Variants in NCOR2 observed in about 807,000 individuals in gnomAD.
NCOR2 encodes the protein nuclear receptor corepressor 2, also known as CTG repeat protein 26.
In NCOR2, 81 loss-of-function variants were observed where a neutral mutation model predicts 262.9. That is an observed-to-expected ratio of 0.31 (90% CI 0.26 to 0.37). The LOEUF (loss-of-function observed/expected upper bound fraction) is 0.37. NCOR2 is among the 10% of genes least tolerant of loss of function. The pLI is 1.00. For synonymous variants in NCOR2, 1,659 were observed against 1,559.3 expected, an observed-to-expected ratio of 1.06 and a Z score of -1.51; for missense variants, 3,385 against 3,621.4, an observed-to-expected ratio of 0.93 and a Z score of 1.68.
rs756686302 is a variant in NCOR2 at position 124,429,611 on chromosome 12, ACCT to A, written c.1148_1149+1del. 4 of 1,598,130 alleles carry A rather than the reference ACCT, an allele frequency of 2.5e-6. No homozygotes were observed. The South Asian group carries it at 3.4e-5, about 14-fold the overall frequency. ...GAGGCCAGAGTCAGGGCCTGGACTC[ACCT>A]CCTGCTCTGAGAGGCCATCGATGAT... On this transcript the variant is annotated splice_donor_variant and coding_sequence_variant, in exon 10 of 47. Coordinates refer to ENST00000405201, the Ensembl canonical transcript of NCOR2. LOFTEE classifies it high-confidence loss of function.
intron 22 of NCOR2, among the ~76,000 whole-genome samples, chr12:124,359,787 G>T (rs935232665): frequency 7.2e-4 from 109 of 152,260 alleles, no homozygotes; most frequent in African/African-American, 2.4e-3. Context: ...GGGCCCAGGG[G>T]GCCCCGAGGG....
chr12:124,356,957 AC>A, intron 22 of NCOR2, 175 bp from the exon 25 acceptor site: 1 of 718,744 alleles, frequency 1.4e-6, no homozygotes, highest in Non-Finnish European at 2.0e-6. Context: ...CTGCTCTGTA[AC>A]CCCATGGTAT....
intron 4 of NCOR2, among the ~76,000 whole-genome samples, chr12:124,469,816 G>A (rs578224746): frequency 1.2e-4 from 18 of 152,280 alleles, no homozygotes; most frequent in Admixed American, 4.6e-4. Flanking sequence ...ATGAGATACC[G>A]CTGTACAACC....
chr12:124,344,664 G>A, exon 32 of NCOR2: 3 of 1,495,290 alleles, frequency 2.0e-6, no homozygotes, highest in South Asian at 2.6e-5. Flanking sequence ...GGCCGGCAAA[G>A]GGTGCCCCGT....
intron 1 of NCOR2, among the ~76,000 whole-genome samples, chr12:124,533,586 A>AG: frequency 6.6e-6 from 1 of 152,014 alleles, no homozygotes; most frequent in East Asian, 1.9e-4. Context: ...GTCTCCCCGC[A>AG]GGGAGGACTA....
At chr12:124,385,297 A>G (rs1430935822) in intron 17 of NCOR2, among the ~76,000 whole-genome samples, 3 of 152,118 alleles carry the variant, frequency 2.0e-5, no homozygotes, top group African/African-American at 7.2e-5. Context: ...TCCCTCCCCA[A>G]CCACGGCAGC....
rs574289967 is a variant in NCOR2 at position 124,402,065 on chromosome 12, G to C, written c.1640+339C>G. 3.3e-5 allele frequency among the ~76,000 whole-genome samples: 5 copies of C among 152,326 alleles called. No homozygotes were observed. In the South Asian group the frequency reaches 6.2e-4, roughly 19 times the overall value. ...CCCTTCCTGGCGCCTCAGGAGGAAAGAGCGGGAGGAAGCAGGGAGGCAGAG... is the reference window on the plus strand; with the variant it reads ...CCCTTCCTGGCGCCTCAGGAGGAAACAGCGGGAGGAAGCAGGGAGGCAGAG... On this transcript the variant is annotated intron_variant, in intron 14 of 46. Transcript: ENST00000405201.
At chr12:124,426,685 A>T in exon 11 of NCOR2, 1 of 1,610,826 alleles carries the variant, frequency 6.2e-7, no homozygotes, top group Non-Finnish European at 8.5e-7. Flanking sequence ...GTCTTTGTAC[A>T]CCTTCATGGG....
chr12:124,328,010 TTTTG>T (rs977298454), intron 44 of NCOR2, among the ~76,000 whole-genome samples: 9 of 151,420 alleles, frequency 5.9e-5, no homozygotes, highest in Non-Finnish European at 1.0e-4. Context: ...GCTGGGGCTG[TTTTG>T]TTTGTTTTTT....
intron 11 of NCOR2, among the ~76,000 whole-genome samples, chr12:124,425,851 A>G (rs887190454): frequency 2.0e-5 from 3 of 152,018 alleles, no homozygotes; most frequent in Non-Finnish European, 4.4e-5. Flanking sequence ...AACCTCTCTG[A>G]GCCTCCGTGT....
At chr12:124,433,419 G>A (rs1233993136) in intron 8 of NCOR2, among the ~76,000 whole-genome samples, 2 of 152,254 alleles carry the variant, frequency 1.3e-5, no homozygotes, top group Admixed American at 6.5e-5. Context: ...ACCAGCGGGC[G>A]GAAGCCAACA....
exon 20 of NCOR2, chr12:124,372,188 C>T (rs773491063): frequency 1.2e-6 from 2 of 1,601,510 alleles, no homozygotes; most frequent in African/African-American, 1.3e-5. Flanking sequence ...TCAGCGGCCT[C>T]CGCGTCCTTG....
intron 45 of NCOR2, 93 bp downstream of exon 47, chr12:124,327,316 G>C: frequency 9.7e-7 from 1 of 1,032,970 alleles, no homozygotes; most frequent in Non-Finnish European, 1.4e-6. Flanking sequence ...TCCAAAGCTC[G>C]AGGAGGGGGT....
At chr12:124,342,619 CGG>C (rs1566368790) in intron 33 of NCOR2, among the ~76,000 whole-genome samples, 1 of 152,168 alleles carries the variant, frequency 6.6e-6, no homozygotes, top group East Asian at 1.9e-4. Context: ...CCGCCTGCCT[CGG>C]CCTCCCAAAG....
At chr12:124,429,490 G>A (rs1422213489) in intron 10 of NCOR2, 123 bp downstream of exon 12, 34 of 1,007,932 alleles carry the variant, frequency 3.4e-5, no homozygotes, top group South Asian at 3.2e-4. Flanking sequence ...TTCCACCCGC[G>A]CTTCGGTGGC....
At chr12:124,567,390 G>C (rs2052284059) in exon 1 of NCOR2, 1 of 151,086 alleles carries the variant, frequency 6.6e-6, no homozygotes. Flanking sequence ...GGTGCCGATC[G>C]GGCTGGGGGC....
chr12:124,544,193 T>C (rs1010678089), intron 1 of NCOR2, among the ~76,000 whole-genome samples: 15 of 152,240 alleles, frequency 9.9e-5, no homozygotes, highest in Non-Finnish European at 2.1e-4. Flanking sequence ...TGCCCCGCAG[T>C]GACCCTGTCT....
chr12:124,561,076 T>A (rs968812424), intron 1 of NCOR2, among the ~76,000 whole-genome samples: 5 of 152,234 alleles, frequency 3.3e-5, no homozygotes, highest in Admixed American at 6.5e-5. Flanking sequence ...TAACCTAGGA[T>A]TCCTCCGGGT....
In NCOR2 at chr12:124,339,062, C is replaced by T. The variant is rs147632198; in HGVS notation, c.5687+944G>A. On this transcript the variant is annotated intron_variant, in intron 37 of 46. Coordinates refer to ENST00000405201, the Ensembl canonical transcript of NCOR2. ...TACCTAACTCAGCCACCCACCCATC[C>T]ATCCATCCACATGGCTAATCTGGCC... Among the ~76,000 whole-genome samples, 1,048 of 150,410 alleles carry T rather than the reference C, an allele frequency of 7.0e-3. 14 individuals are homozygous for T. The highest frequency in any genetic ancestry group is 0.024 in the African/African-American group (974 of 40,562).
Sources: gnomAD v4.1 joint callset for allele counts (sites outside exome capture counted in the v4.1 genomes callset) on GRCh38, gnomAD v4.1.1 for gene constraint, MANE v1.5 for transcripts, NCBI Gene and HGNC (gene_info 2026-07-23, HGNC 2026-07-21) for gene names.